Variants in PDE11A observed in about 807,000 individuals in gnomAD.
PDE11A encodes dual 3',5'-cyclic-AMP and -GMP phosphodiesterase 11A.
PDE11A carries 100 observed loss-of-function variants against 100.5 expected under a neutral mutation model. The ratio of observed to expected loss-of-function variants is 1.00; its 90% CI spans 0.85 to 1.18. The LOEUF (loss-of-function observed/expected upper bound fraction) is 1.18, where lower values mean the gene tolerates loss of function less well. Ranked by LOEUF, PDE11A falls within the 50% of genes most tolerant of loss-of-function variation. PDE11A has a pLI of 0.00. For missense variants in PDE11A, 1,141 were observed against 1,152.6 expected, an observed-to-expected ratio of 0.99 and a Z score of 0.15; for synonymous variants, 381 against 420.8, an observed-to-expected ratio of 0.91 and a Z score of 1.16.
intron 14 of PDE11A, among the ~76,000 whole-genome samples, chr2:177,699,442 T>G (rs1454161280): frequency 2.6e-5 from 4 of 152,216 alleles, no homozygotes; most frequent in African/African-American, 9.6e-5. Context: ...CTAATGCTAT[T>G]TACAGCTAAG....
chr2:177,952,106 C>A (rs1351211431), intron 2 of PDE11A, among the ~76,000 whole-genome samples: 1 of 152,122 alleles, frequency 6.6e-6, no homozygotes, highest in Non-Finnish European at 1.5e-5. Context: ...ATAGTTTGTT[C>A]CCACCATATT....
intron 3 of PDE11A, among the ~76,000 whole-genome samples, chr2:177,904,417 T>A (rs1016972472): frequency 9.2e-5 from 14 of 152,158 alleles, no homozygotes; most frequent in African/African-American, 2.7e-4. Flanking sequence ...GAAGTGGGGG[T>A]AAGATCATGT....
chr2:177,899,637 A>AATAAAT, intron 3 of PDE11A: 2 of 208,688 alleles, frequency 9.6e-6, no homozygotes, highest in Non-Finnish European at 9.9e-6. Flanking sequence ...CAGATTCTTA[A>AATAAAT]ATATATATAT....
intron 1 of PDE11A, among the ~76,000 whole-genome samples, chr2:178,054,578 A>G (rs1641489577): frequency 6.6e-6 from 1 of 152,214 alleles, no homozygotes; most frequent in African/African-American, 2.4e-5. Flanking sequence ...AGAATGGGAG[A>G]AAATTTTTAC....
At chr2:177,637,055 G>T (rs1168506931) in intron 19 of PDE11A, among the ~76,000 whole-genome samples, 2 of 152,216 alleles carry the variant, frequency 1.3e-5, no homozygotes, top group Non-Finnish European at 1.5e-5. Context: ...AAGACATTTA[G>T]GAAGGAGAAA....
chr2:178,049,296 T>C (rs542722558), intron 1 of PDE11A, among the ~76,000 whole-genome samples: 15 of 152,130 alleles, frequency 9.9e-5, no homozygotes, highest in Non-Finnish European at 1.9e-4. Context: ...GGACCTAATA[T>C]GGTAGGTGAA....
At chr2:178,075,699 C>G (rs890515944), upstream of PDE11A, among the ~76,000 whole-genome samples, 1 of 152,010 alleles carries the variant, frequency 6.6e-6, no homozygotes, top group African/African-American at 2.4e-5. Flanking sequence ...GGTATTGAAG[C>G]CTGTTGATAC....
intron 4 of PDE11A, among the ~76,000 whole-genome samples, chr2:177,881,457 A>C (rs1246544771): frequency 6.6e-6 from 1 of 152,122 alleles, no homozygotes; most frequent in Admixed American, 6.5e-5. Flanking sequence ...CATTTTAAAG[A>C]AGAAAAATTT....
At chr2:178,028,286 G>A (rs1029322555) in intron 1 of PDE11A, among the ~76,000 whole-genome samples, 1 of 121,586 alleles carries the variant, frequency 8.2e-6, no homozygotes, top group East Asian at 2.6e-4. Context: ...AAGTTATATA[G>A]TCACATGTTC....
intron 9 of PDE11A, among the ~76,000 whole-genome samples, chr2:177,805,275 T>C (rs1380789199): frequency 6.6e-6 from 1 of 152,068 alleles, no homozygotes; most frequent in Non-Finnish European, 1.5e-5. Context: ...TGGCATCCTG[T>C]ATTTTCTCCT....
intron 4 of PDE11A, among the ~76,000 whole-genome samples, chr2:177,897,525 T>C (rs1428094309): frequency 6.6e-6 from 1 of 152,180 alleles, no homozygotes; most frequent in Non-Finnish European, 1.5e-5. Flanking sequence ...AGGACAAATC[T>C]GCTGCAGGGA....
chr2:177,926,688 T>A (rs1036830814), intron 2 of PDE11A, among the ~76,000 whole-genome samples: 11 of 152,202 alleles, frequency 7.2e-5, no homozygotes, highest in Non-Finnish European at 1.2e-4. Context: ...TATTTATTGA[T>A]TTTGCTTAAG....
At chr2:177,631,130 TTC>T (rs55737121) in intron 19 of PDE11A, among the ~76,000 whole-genome samples, 105,257 of 151,152 alleles carry the variant, frequency 0.7, 39,732 homozygotes, top group East Asian at 0.87. Flanking sequence ...AATGGAATCT[TTC>T]TATTATGTTT....
chr2:178,034,973 G>A (rs958154452), intron 1 of PDE11A, among the ~76,000 whole-genome samples: 10 of 152,058 alleles, frequency 6.6e-5, no homozygotes, highest in African/African-American at 2.4e-4. Flanking sequence ...AACTAGAGAA[G>A]CAAGAGCAAA....
intron 9 of PDE11A, among the ~76,000 whole-genome samples, chr2:177,801,291 ATTTG>A (rs2105553504): frequency 6.6e-6 from 1 of 152,246 alleles, no homozygotes; most frequent in African/African-American, 2.4e-5. Flanking sequence ...TTGCTAATTT[ATTTG>A]TTTACTTGTC....
intron 17 of PDE11A, among the ~76,000 whole-genome samples, chr2:177,672,084 G>A (rs1255317258): frequency 6.6e-6 from 1 of 152,158 alleles, no homozygotes; most frequent in Non-Finnish European, 1.5e-5. Flanking sequence ...ATACCTGGAA[G>A]AGCCTCCTAC....
intron 1 of PDE11A, among the ~76,000 whole-genome samples, chr2:178,039,394 A>C (rs2086656326): frequency 6.6e-6 from 1 of 152,150 alleles, no homozygotes; most frequent in Non-Finnish European, 1.5e-5. Context: ...GGAGGGTGAG[A>C]GGAGGGAGAG....
At chr2:177,707,428 T>G (rs1237445525) in intron 13 of PDE11A, among the ~76,000 whole-genome samples, 1 of 152,034 alleles carries the variant, frequency 6.6e-6, no homozygotes, top group African/African-American at 2.4e-5. Flanking sequence ...CATGGCTGGG[T>G]CTCCTAGAAA....
At chr2:177,773,789 A>G (rs1386536202) in intron 9 of PDE11A, among the ~76,000 whole-genome samples, 1 of 152,168 alleles carries the variant, frequency 6.6e-6, no homozygotes, top group Non-Finnish European at 1.5e-5. Context: ...GCAGGGAGGA[A>G]TCATCGGCTA....
Sources: allele counts gnomAD v4.1 joint callset (sites outside exome capture counted in the v4.1 genomes callset), GRCh38; gene constraint gnomAD v4.1.1; transcripts MANE v1.5; gene names NCBI Gene and HGNC (gene_info 2026-07-23, HGNC 2026-07-21).